Variants in TTN observed in about 807,000 individuals in gnomAD.
TTN encodes connectin.
TTN carries 1,525 observed loss-of-function variants against 3,223.0 expected under a neutral mutation model. That is an observed-to-expected ratio of 0.47 (90% CI 0.45 to 0.49). The LOEUF (loss-of-function observed/expected upper bound fraction) is 0.49. Ranked by LOEUF, TTN falls within the 20% of genes least tolerant of loss-of-function variation. The pLI, the probability that TTN is intolerant of heterozygous loss-of-function variation, is 0.00. For synonymous variants in TTN, 14,094 were observed against 15,161.0 expected (o/e 0.93, Z 5.17); for missense variants, 40,786 against 43,424.0 (o/e 0.94, Z 5.40).
At position 178,723,243 on chromosome 2, in the gene TTN, C is replaced by A. The variant is rs1429557332; in HGVS notation, c.21764G>T (p.Gly7255Val). ...KSIILESTYT[G>V]TLPISVTWKK... The stretch of plus-strand genomic sequence containing the variant: ...CCAAGTGACAGAAATTGGAAGTGTT[C>A]CAGTGTAGGTGCTCTCCAGAATTAT... Residue 7255 changes from glycine to valine, a missense_variant, in exon 75 of 363, where the codon GGA (glycine) becomes GTA (valine). Coordinates refer to ENST00000589042, the MANE Select transcript of TTN (RefSeq NM_001267550.2). 4 of 1,613,446 alleles carry A rather than the reference C, an allele frequency of 2.5e-6. No homozygotes were observed. Among genetic ancestry groups the A allele is most frequent in the Non-Finnish European group, 3.4e-6 (4 of 1,179,692 alleles).
rs749651526 is a variant in TTN, at chr2:178,532,616, T to C, written c.103999A>G (p.Ile34667Val). The C allele has an allele frequency of 7.4e-6, 12 of 1,613,958 alleles. No individual in the cohort carries two copies. Among genetic ancestry groups the C allele is most frequent in the South Asian group, 2.2e-5 (2 of 91,090 alleles). ...CTTTTCATTGCTAAGTAGTCATCAA[T>C]GGGGAGGAGTAATTCTTCATCAGAG... ...DISDEELLLP[I>V]DDYLAMKRTE... The change falls in exon 358 of 363, where the codon ATT (isoleucine) becomes GTT (valine). Residue 34667 changes from isoleucine to valine, a missense_variant. Coordinates refer to ENST00000589042, the MANE Select transcript of TTN (RefSeq NM_001267550.2).
At chr2:178,754,523 A>C (rs2086423957) in intron 46 of TTN, among the ~76,000 whole-genome samples, 1 of 152,128 alleles carries the variant, frequency 6.6e-6, no homozygotes, top group South Asian at 2.1e-4. Flanking sequence ...CAAACACCGC[A>C]CTATAGCACT....
chr2:178,739,238 T>C lies in TTN; in HGVS notation c.13995A>G (p.Lys4665=). 3 of 1,591,100 alleles carry C rather than the reference T, an allele frequency of 1.9e-6. No homozygotes were observed. Among genetic ancestry groups the C allele is most frequent in the Non-Finnish European group, 2.6e-6 (3 of 1,165,500 alleles). The change falls in exon 48 of 363, where the codon AAA becomes AAG. Residue 4665 remains lysine (K), a synonymous_variant. Transcript: ENST00000589042. ...DQNTYTLVID[K]VNTEDHQGEY... ...CTCCTTGATGGTCTTCGGTATTTAC[T>C]TTGTCGATGACTAGCGTATATGTAT...
Position 178,718,777 on chromosome 2 carries a change from C to T in TTN, c.24423G>A (p.Gln8141=). The change falls in exon 84 of 363, where the codon CAG becomes CAA. Residue 8141 remains glutamine (Q), a synonymous_variant. Coordinates refer to ENST00000589042, the MANE Select transcript of TTN (RefSeq NM_001267550.2). ...AAGAATAGTCTCCACTTTCTAATGG[C>T]TGCACCTCAAACAACTCCAGTTCTG... The part of the protein sequence containing the change: ...FVTELELFEV[Q]PLESGDYSCL... 1 of 1,613,790 alleles carries T rather than the reference C, an allele frequency of 6.2e-7. No individual in the cohort carries two copies. The highest frequency in any genetic ancestry group is 8.5e-7 in the Non-Finnish European group (1 of 1,179,740).
rs1269069525 is a variant in TTN, at chr2:178,531,035, A to T, written c.105580T>A (p.Ser35194Thr). ...STFEISSVQASDEGNYSVVVE... is the reference protein window; with the variant it reads ...STFEISSVQATDEGNYSVVVE... ...ACCACGCTGTAATTGCCCTCATCGG[A>T]AGCCTGGACTGAAGAGATCTCAAAG... Residue 35194 changes from serine to threonine, a missense_variant, in exon 358 of 363, where the codon TCC becomes ACC. Transcript: ENST00000589042. 6.2e-7 allele frequency: 1 copy of T among 1,613,892 alleles called. No homozygotes were observed. The highest frequency in any genetic ancestry group is 1.3e-5 in the African/African-American group (1 of 74,992).
Position 178,777,249 on chromosome 2 carries a change from G to T in TTN, c.4714C>A (p.Arg1572=). The T allele has an allele frequency of 6.2e-7, 1 of 1,613,978 alleles. No homozygotes were observed. The highest frequency in any genetic ancestry group is 2.2e-5 in the East Asian group (1 of 44,854). ...GTAGCTCTGACTTTCATTTCAAGTC[G>T]GGAACCTTCCTTTATATTGACATTT... ...LKNVNIKEGS[R]LEMKVRATGN... The change falls in exon 27 of 363, where the codon CGA becomes AGA. Residue 1572 remains arginine (R), a synonymous_variant. Coordinates refer to ENST00000589042, the MANE Select transcript of TTN (RefSeq NM_001267550.2).
Position 178,589,323 on chromosome 2 carries a change from A to G in TTN, c.62402T>C (p.Val20801Ala). ...AGVRGKPFPE[V>A]AWTKDKDATD... ...AGCGTCTTTGTCCTTGGTCCATGCA[A>G]CTTCTGGGAATGGTTTGCCTCTAAC... is the stretch of plus-strand genomic sequence containing the variant. The change falls in exon 304 of 363, where the codon GTT becomes GCT. Residue 20801 changes from valine (V) to alanine (A), a missense_variant. Coordinates refer to ENST00000589042, the MANE Select transcript of TTN (RefSeq NM_001267550.2). 1.9e-6 allele frequency: 3 copies of G among 1,612,852 alleles called. No homozygotes were observed. Among genetic ancestry groups the G allele is most frequent in the Non-Finnish European group, 2.5e-6 (3 of 1,179,226 alleles).
rs753610150 is a variant in TTN at position 178,529,221 on chromosome 2, T to C, written c.106532-2A>G. 1 of 1,457,920 alleles carries C rather than the reference T, an allele frequency of 6.9e-7. No individual in the cohort carries two copies. Among genetic ancestry groups the C allele is most frequent in the African/African-American group, 1.4e-5 (1 of 70,564 alleles). The allele number at this position is 1,457,920 out of a possible 1,614,324, so 90.3% of individuals were successfully genotyped here. A position where few individuals can be genotyped will look rare whatever the true frequency, so the allele number is the denominator to read the frequency against. ...TCTGTGCCTCAGTATCTTTTATAGC[T>C]AAAAAAGAAACCTCTGTAAGGCAAA... On this transcript the variant is annotated splice_acceptor_variant, in intron 359 of 362. Transcript: ENST00000589042. LOFTEE classifies it high-confidence loss of function.
chr2:178,764,413 T>C, intron 42 of TTN, 111 bp from the exon 43 acceptor site: 2 of 1,610,666 alleles, frequency 1.2e-6, no homozygotes, highest in Non-Finnish European at 1.7e-6. Context: ...CTTTCAAAGT[T>C]GGGTAGCAAT....
Position 178,799,883 on chromosome 2 carries a change from G to A in TTN, c.611C>T (p.Thr204Ile), listed in dbSNP as rs753482791. The change falls in exon 5 of 363, where the codon ACA becomes ATA. Residue 204 changes from threonine (T) to isoleucine (I), a missense_variant. By Grantham distance (89) the Thr-to-Ile change is moderately conservative. Coordinates refer to ENST00000589042, the MANE Select transcript of TTN (RefSeq NM_001267550.2). Reference protein sequence around the residue: ...QGEEEVPAKKTKTIVSTAQIS... With the variant: ...QGEEEVPAKKIKTIVSTAQIS... ...CTGAGCAGTCGAAACAATTGTCTTT[G>A]TCTTTTTAGCAGGTACTTCTTCTTC... is the stretch of plus-strand genomic sequence containing the variant. 6.2e-6 allele frequency: 10 copies of A among 1,613,992 alleles called. No homozygotes were observed. The South Asian group carries it at 9.9e-5, about 16-fold the overall frequency.
In TTN at chr2:178,687,987, T is replaced by A. The variant is rs750338513; in HGVS notation, c.32311+124A>T. On this transcript the variant is annotated intron_variant, in intron 127 of 362. Transcript: ENST00000589042. ...GATCAAAATATTCATTTAATGAGAC[T>A]GGTAGATGTTCACTGAATTTGTGTC... 6.3e-4 allele frequency: 433 copies of A among 685,880 alleles called. 3 individuals are homozygous for A. Among genetic ancestry groups the A allele is most frequent in the Middle Eastern group, 2.1e-3 (8 of 3,738 alleles). 42.5% of individuals were successfully genotyped at this position (685,880 alleles called of 1,614,324 possible).
chr2:178,765,397 C>T (rs1003627571), intron 41 of TTN, among the ~76,000 whole-genome samples: 2 of 152,164 alleles, frequency 1.3e-5, no homozygotes, highest in Non-Finnish European at 2.9e-5. Flanking sequence ...AAAGCATATT[C>T]TCAGTGCTGT....
At chr2:178,629,538 T>C (rs1419006761) in intron 239 of TTN, 95 bp from the exon 240 acceptor site, 6 of 1,565,558 alleles carry the variant, frequency 3.8e-6, no homozygotes, top group Non-Finnish European at 5.2e-6. Flanking sequence ...GGTTGCTTTC[T>C]TCAAGAAGCC....
Position 178,740,745 on chromosome 2 carries a change from T to C in TTN, c.12488A>G (p.Lys4163Arg), listed in dbSNP as rs1388259772. ...CTCTTCAGGCATTAGAATACCTTCT[T>C]TGGAGAAGGTTTTCTGGGACTGTAC... ...QIVQSQKTFSKEGILMPEEPE... is the reference protein window; with the variant it reads ...QIVQSQKTFSREGILMPEEPE... The change falls in exon 48 of 363, where the codon AAA (lysine) becomes AGA (arginine). Residue 4163 changes from lysine (K) to arginine (R), a missense_variant. Physicochemically the swap from Lys to Arg is conservative, Grantham distance 26. Transcript: ENST00000589042. The C allele has an allele frequency of 6.2e-7, 1 of 1,613,772 alleles. No homozygotes were observed. The highest frequency in any genetic ancestry group is 1.1e-5 in the South Asian group (1 of 91,066).
rs367582681 is a variant in TTN, at chr2:178,773,217, G to A, written c.7747C>T (p.His2583Tyr). 3.1e-6 allele frequency: 5 copies of A among 1,613,486 alleles called. No homozygotes were observed. The highest frequency in any genetic ancestry group is 4.5e-5 in the East Asian group (2 of 44,804). The change falls in exon 33 of 363, where the codon CAT becomes TAT. Residue 2583 changes from histidine to tyrosine, a missense_variant. By Grantham distance (83) the His-to-Tyr change is moderately conservative. Transcript: ENST00000589042. Reference sequence around the variant, plus strand: ...ACTGTCAATTTATATATTTTTCCATGTGCTTCAATTTTATATTTAGAACTG... The same window carrying A: ...ACTGTCAATTTATATATTTTTCCATATGCTTCAATTTTATATTTAGAACTG... ...KPSSKYKIEA[H>Y]GKIYKLTVLN...
Position 178,731,793 on chromosome 2 carries a change from C to A in TTN, c.17082G>T (p.Leu5694=), listed in dbSNP as rs750996600. ...KTFIQDHLVS[L]QILKFVAADA... The stretch of plus-strand genomic sequence containing the variant: ...CTGCAGCTACAAACTTGAGGATCTG[C>A]AGGCTAACCAGATGATCCTGAATGA... Residue 5694 remains leucine (L), a synonymous_variant, in exon 58 of 363, where the codon CTG becomes CTT. Coordinates refer to ENST00000589042, the MANE Select transcript of TTN (RefSeq NM_001267550.2). 90 of 1,613,696 alleles carry A rather than the reference C, an allele frequency of 5.6e-5. No individual in the cohort carries two copies. The highest frequency in any genetic ancestry group is 7.4e-5 in the Non-Finnish European group (87 of 1,179,770).
At chr2:178,787,315 TGCCTCG>T (rs2093250571) in intron 13 of TTN, among the ~76,000 whole-genome samples, 2 of 152,114 alleles carry the variant, frequency 1.3e-5, no homozygotes, top group East Asian at 3.8e-4. Flanking sequence ...CAATTTCATC[TGCCTCG>T]AAGGACTGCA....
At chr2:178,797,122 T>C (rs1248544111) in intron 6 of TTN, among the ~76,000 whole-genome samples, 2 of 152,194 alleles carry the variant, frequency 1.3e-5, no homozygotes, top group Non-Finnish European at 2.9e-5. Context: ...TCCATGATTC[T>C]AAATGACCCT....
Position 178,775,952 on chromosome 2 carries a change from G to C in TTN, c.5912C>G (p.Thr1971Ser), listed in dbSNP as rs778898929. Residue 1971 changes from threonine to serine, a missense_variant, in exon 28 of 363, where the codon ACT becomes AGT. Thr to Ser is a moderately conservative substitution (Grantham distance 58, BLOSUM62 1). Coordinates refer to ENST00000589042, the MANE Select transcript of TTN (RefSeq NM_001267550.2). ...CAACTTCACAACTTCTTTGGTTTCA[G>C]TGGTGTCAACAGGTCTATCCACTTT... Reference protein sequence around the residue: ...VQKVDRPVDTTETKEVVKLKR... With the variant: ...VQKVDRPVDTSETKEVVKLKR... 28 of 1,614,002 alleles carry C rather than the reference G, an allele frequency of 1.7e-5. No homozygotes were observed. Among genetic ancestry groups the C allele is most frequent in the Non-Finnish European group, 2.3e-5 (27 of 1,180,014 alleles).
Sources: allele counts gnomAD v4.1 joint callset (sites outside exome capture counted in the v4.1 genomes callset), GRCh38; gene constraint gnomAD v4.1.1; transcripts MANE v1.5; gene names NCBI Gene and HGNC (gene_info 2026-07-23, HGNC 2026-07-21).